PDE10A: variants seen among roughly 807,000 people sequenced by gnomAD.
The protein encoded by PDE10A is phosphodiesterase 10A.
PDE10A carries 39 observed loss-of-function variants against 97.7 expected under a neutral mutation model. The observed-to-expected ratio is 0.40, with a 90% CI of 0.31 to 0.52. The LOEUF (loss-of-function observed/expected upper bound fraction) is 0.52, where lower values mean the gene tolerates loss of function less well. Among genes scored for constraint, PDE10A ranks in the 20% least tolerant of loss-of-function variants. PDE10A has a pLI of 0.56. For synonymous variants in PDE10A, 371 were observed against 376.8 expected, an observed-to-expected ratio of 0.98 and a Z score of 0.18; for missense variants, 731 against 1,047.8, an observed-to-expected ratio of 0.70 and a Z score of 4.17.
At chr6:165,644,528 G>C (rs985940012) in intron 1 of PDE10A, among the ~76,000 whole-genome samples, 6 of 152,192 alleles carry the variant, frequency 3.9e-5, no homozygotes, top group Non-Finnish European at 5.9e-5. Flanking sequence ...AGGAATTGTG[G>C]AAGTACCTGT....
chr6:165,842,791 C>A (rs1289059497), intron 1 of PDE10A, among the ~76,000 whole-genome samples: 1 of 152,184 alleles, frequency 6.6e-6, no homozygotes, highest in Non-Finnish European at 1.5e-5. Flanking sequence ...AAGAGTCATG[C>A]CTCCGAAGTT....
rs550302295 is a variant in PDE10A at position 165,725,951 on chromosome 6, G to A, written c.-614-182383C>T. On this transcript the variant is annotated intron_variant, in intron 1 of 19. Coordinates refer to the PDE10A transcript ENST00000366882. The stretch of plus-strand genomic sequence containing the variant: ...CTTTGAAGGAGTCTGTCCACTTGGC[G>A]CAGTGCAGGACAGGAACGGAGTTCA... Among the ~76,000 whole-genome samples, 18 of 152,288 alleles carry A rather than the reference G, an allele frequency of 1.2e-4. 1 individual carries two copies. Among genetic ancestry groups the A allele is most frequent in the East Asian group, 3.9e-4 (2 of 5,178 alleles).
At chr6:165,449,596 A>AT (rs1465828834) in intron 4 of PDE10A, among the ~76,000 whole-genome samples, 3 of 152,180 alleles carry the variant, frequency 2.0e-5, no homozygotes, top group African/African-American at 7.2e-5. Flanking sequence ...GGTGGCAATA[A>AT]TAAAAACAAC....
In PDE10A at chr6:165,975,044, G is replaced by A. The variant is rs1307309937; in HGVS notation, c.-615+12485C>T. ...CTGCACTTCATCTCATTGTCTGGGA[G>A]AACAATGGAGGCAGGAGAAGGAGCC... On this transcript the variant is annotated intron_variant, in intron 1 of 19. Transcript: ENST00000366882. Among the ~76,000 whole-genome samples, 6 of 152,354 alleles carry A rather than the reference G, an allele frequency of 3.9e-5. No individual in the cohort carries two copies. The South Asian group carries it at 1.0e-3, about 26-fold the overall frequency.
At position 165,760,733 on chromosome 6, in the gene PDE10A, G is replaced by A. The variant is rs574813978; in HGVS notation, c.-614-217165C>T. Among the ~76,000 whole-genome samples the A allele has an allele frequency of 2.6e-5, 4 of 152,230 alleles. No homozygotes were observed. In the Middle Eastern group the frequency reaches 0.01, roughly 388 times the overall value. ...TCATCTCAGTTGATCCTTTGATGTG[G>A]GCACTATTATTTTCATTTTAAAGAT... On this transcript the variant is annotated intron_variant, in intron 1 of 19. Coordinates refer to the PDE10A transcript ENST00000366882.
At chr6:165,343,022 T>C (rs924653079) in intron 19 of PDE10A, among the ~76,000 whole-genome samples, 8 of 152,240 alleles carry the variant, frequency 5.3e-5, no homozygotes, top group Non-Finnish European at 1.0e-4. Context: ...CAGGTGGATA[T>C]ATCCTGTATT....
intron 1 of PDE10A, among the ~76,000 whole-genome samples, chr6:165,885,771 C>A (rs1010774554): frequency 6.6e-6 from 1 of 152,204 alleles, no homozygotes; most frequent in African/African-American, 2.4e-5. Context: ...GCCAAATGAA[C>A]AATTATGTTC....
chr6:165,712,339 C>A (rs571020356), intron 1 of PDE10A, among the ~76,000 whole-genome samples: 1 of 152,134 alleles, frequency 6.6e-6, no homozygotes, highest in Non-Finnish European at 1.5e-5. Flanking sequence ...ACGTGATGTG[C>A]GGCTTGCTGC....
At chr6:165,422,027 G>A (rs189494946) in intron 10 of PDE10A, among the ~76,000 whole-genome samples, 14 of 150,674 alleles carry the variant, frequency 9.3e-5, no homozygotes, top group Admixed American at 2.6e-4. Context: ...TTGTGCCACT[G>A]CACTCCAGCC....
rs1353217809 is a variant in PDE10A at position 165,913,540 on chromosome 6, ATTG to A, written c.-615+73986_-615+73988del. Among the ~76,000 whole-genome samples the A allele has an allele frequency of 5.3e-5, 8 of 152,216 alleles. No individual in the cohort carries two copies. In the East Asian group the frequency reaches 1.3e-3, roughly 26 times the overall value. On this transcript the variant is annotated intron_variant, in intron 1 of 19. Coordinates refer to the PDE10A transcript ENST00000366882. ...ATTTTTAAATTATTTTTATTGTTGT[ATTG>A]TTGTTATTATTATTATTTTAAATAT... is the stretch of plus-strand genomic sequence containing the variant.
intron 1 of PDE10A, among the ~76,000 whole-genome samples, chr6:165,763,746 A>T (rs1030555634): frequency 6.6e-6 from 1 of 152,244 alleles, no homozygotes; most frequent in African/African-American, 2.4e-5. Flanking sequence ...TTTGTATTAG[A>T]TACAACATAT....
chr6:165,528,657 C>A (rs1296491030), intron 2 of PDE10A, among the ~76,000 whole-genome samples: 2 of 152,202 alleles, frequency 1.3e-5, no homozygotes, highest in Non-Finnish European at 2.9e-5. Flanking sequence ...AATGCTTTAT[C>A]CACCATCATG....
In PDE10A at chr6:165,661,314, GGGGTGGGGGTGCGTCCCCT is replaced by G. The variant is rs1790243811; in HGVS notation, c.865+614_865+632del. On this transcript the variant is annotated intron_variant, in intron 1 of 21. Transcript: ENST00000539869. The surrounding 1 kb of genome is among the most constrained non-coding windows in gnomAD (Gnocchi z 4.8). Reference sequence around the variant, plus strand: ...GCCCGGGACCAACAGGACGCGGCCCGGGGTGGGGGTGCGTCCCCTGGGTGGAGGTGCAACCGTTTCCACC... The same window carrying G: ...GCCCGGGACCAACAGGACGCGGCCCGGGGTGGAGGTGCAACCGTTTCCACC... The G allele has an allele frequency of 6.6e-6, 1 of 152,256 alleles. No individual in the cohort carries two copies. The highest frequency in any genetic ancestry group is 1.5e-5 in the Non-Finnish European group (1 of 68,146). The allele number at this position is 152,256 out of a possible 1,614,324, so 9.4% of individuals were successfully genotyped here. A position where few individuals can be genotyped will look rare whatever the true frequency, so the allele number is the denominator to read the frequency against.
At chr6:165,477,169 C>T (rs1033625100) in intron 3 of PDE10A, among the ~76,000 whole-genome samples, 3 of 152,150 alleles carry the variant, frequency 2.0e-5, no homozygotes, top group African/African-American at 4.8e-5. Context: ...GGCTGCCTTG[C>T]TATGCCTCCA....
intron 2 of PDE10A, among the ~76,000 whole-genome samples, chr6:165,505,162 C>T (rs1206035817): frequency 2.0e-5 from 3 of 152,142 alleles, no homozygotes; most frequent in African/African-American, 7.2e-5. Context: ...TTTCTACCTT[C>T]CATTGTTTTC....
At chr6:165,807,974 T>C (rs1286660815) in intron 1 of PDE10A, among the ~76,000 whole-genome samples, 1 of 152,148 alleles carries the variant, frequency 6.6e-6, no homozygotes, top group Non-Finnish European at 1.5e-5. Context: ...AAGCACACAG[T>C]ATGAAAGAAA....
intron 3 of PDE10A, 101 bp from the exon 4 acceptor site, chr6:165,450,463 T>C (rs1218545933): frequency 4.2e-6 from 2 of 471,930 alleles, no homozygotes; most frequent in Non-Finnish European, 7.3e-6. Context: ...TGACTTAATA[T>C]ACTAAGTTAT....
At chr6:165,510,667 T>C (rs1431252647) in intron 2 of PDE10A, among the ~76,000 whole-genome samples, 2 of 152,020 alleles carry the variant, frequency 1.3e-5, no homozygotes, top group African/African-American at 2.4e-5. Context: ...AGCTTTTCTT[T>C]ATTGGGAGAC....
At chr6:165,580,029 G>A (rs557680743) in intron 1 of PDE10A, among the ~76,000 whole-genome samples, 20 of 152,148 alleles carry the variant, frequency 1.3e-4, no homozygotes, top group Non-Finnish European at 1.0e-4. Context: ...CTAAACTTTC[G>A]AATATCCTAC....
Sources: allele counts gnomAD v4.1 joint callset (sites outside exome capture counted in the v4.1 genomes callset), GRCh38; gene constraint gnomAD v4.1.1; non-coding constraint Gnocchi (gnomAD v3.1); transcripts MANE v1.5; gene names NCBI Gene and HGNC (gene_info 2026-07-23, HGNC 2026-07-21).